Variants in TAL1 observed in about 807,000 individuals in gnomAD.
TAL1 encodes the protein T-cell acute lymphocytic leukemia protein 1.
Under a neutral mutation model 17.9 loss-of-function variants are expected in TAL1, and 8 were observed. That is an observed-to-expected ratio of 0.45 (90% CI 0.26 to 0.81). TAL1 has a LOEUF of 0.81. Ranked by LOEUF, TAL1 falls within the 30% of genes least tolerant of loss-of-function variation. The pLI is 0.17. For missense variants in TAL1, 466 were observed against 486.9 expected (o/e 0.96, Z 0.40); for synonymous variants, 223 against 218.6 (o/e 1.02, Z -0.18).
chr1:47,217,320 A>G (rs1645515157), exon 4 of TAL1: 2 of 391,754 alleles, frequency 5.1e-6, no homozygotes, highest in East Asian at 7.2e-5. Context: ...CCCAGAGTTC[A>G]AGGCTGCAGA....
chr1:47,218,579 T>G (rs1266017189), exon 4 of TAL1: 2 of 232,906 alleles, frequency 8.6e-6, no homozygotes, highest in African/African-American at 2.2e-5. Context: ...TGTTTGGGTC[T>G]TAGCCAGGGC....
intron 1 of TAL1, chr1:47,228,664 C>T (rs1557681791): frequency 5.9e-6 from 1 of 170,050 alleles, no homozygotes; most frequent in East Asian, 1.1e-4. Context: ...TCTTCTGGGC[C>T]CACACCAGCA....
chr1:47,220,196 G>C (rs544982550), intron 3 of TAL1, 22 bp from the exon 5 acceptor site: 17 of 1,504,854 alleles, frequency 1.1e-5, no homozygotes, highest in Non-Finnish European at 1.4e-5. Flanking sequence ...GAGGACAAGA[G>C]TTAGGAGAAT....
chr1:47,226,944 CT>C (rs1643921820), intron 1 of TAL1, among the ~76,000 whole-genome samples: 1 of 152,220 alleles, frequency 6.6e-6, no homozygotes, highest in South Asian at 2.1e-4. Context: ...TTTGAAAGTG[CT>C]GTGCAAACGT....
exon 4 of TAL1, chr1:47,219,409 C>T (rs1645564030): frequency 1.6e-6 from 1 of 608,702 alleles, no homozygotes; most frequent in Non-Finnish European, 3.1e-6. Context: ...TCCCAAACTC[C>T]AGGCCAAAAG....
At chr1:47,218,760 G>T (rs1208527436) in exon 4 of TAL1, 1 of 233,540 alleles carries the variant, frequency 4.3e-6, no homozygotes, top group Non-Finnish European at 8.5e-6. Context: ...TCAGCAAACA[G>T]ACATCTTACA....
At chr1:47,217,470 A>G in exon 4 of TAL1, 1 of 398,462 alleles carries the variant, frequency 2.5e-6, no homozygotes, top group Non-Finnish European at 4.4e-6. Context: ...GCGGTTTACA[A>G]TCTAAATTAC....
At chr1:47,231,265 A>G (rs562590072), upstream of TAL1, 1 of 191,792 alleles carries the variant, frequency 5.2e-6, no homozygotes. Context: ...TCCCGAATAC[A>G]TCATAATTTG....
exon 4 of TAL1, chr1:47,216,902 T>C (rs946113937): frequency 4.3e-6 from 1 of 231,910 alleles, no homozygotes; most frequent in African/African-American, 2.2e-5. Context: ...GATAAGGTCA[T>C]GGGGTACAGA....
At chr1:47,220,935 G>A (rs1216990302) in intron 3 of TAL1, among the ~76,000 whole-genome samples, 2 of 152,210 alleles carry the variant, frequency 1.3e-5, no homozygotes, top group Admixed American at 1.3e-4. Context: ...TCCAGTGGCT[G>A]GGAAGGCTTG....
exon 4 of TAL1, chr1:47,217,979 G>GA (rs1270826603): frequency 5.2e-6 from 2 of 386,638 alleles, no homozygotes; most frequent in Non-Finnish European, 9.1e-6. Flanking sequence ...CCAAGCTCGA[G>GA]AATTGGACCT....
chr1:47,225,771 C>T (rs772635415), exon 2 of TAL1: 2 of 1,554,692 alleles, frequency 1.3e-6, no homozygotes, highest in Non-Finnish European at 1.7e-6. Context: ...CGGCTCGTCT[C>T]CTTGGCGACG....
intron 3 of TAL1, among the ~76,000 whole-genome samples, chr1:47,220,473 G>T (rs1044677512): frequency 5.3e-5 from 8 of 152,196 alleles, no homozygotes; most frequent in African/African-American, 1.9e-4. Flanking sequence ...TTGAGGACAG[G>T]GACCGTATGT....
At chr1:47,217,654 G>A (rs1645523918) in exon 4 of TAL1, 2 of 398,648 alleles carry the variant, frequency 5.0e-6, no homozygotes, top group South Asian at 2.5e-4. Context: ...GATAGGCCAA[G>A]CCAGAGTCAC....
chr1:47,222,303 TCCAGGACTTAGCTGTGTGAC>T (rs1643830158), intron 3 of TAL1, among the ~76,000 whole-genome samples: 1 of 152,166 alleles, frequency 6.6e-6, no homozygotes. Context: ...ATGAGGGTGG[TCCAGGACTTAGCTGTGTGAC>T]CCAGGACTTA....
At chr1:47,231,849 C>G (rs1644019509), upstream of TAL1, 1 of 233,714 alleles carries the variant, frequency 4.3e-6, no homozygotes, top group South Asian at 1.8e-4. Flanking sequence ...TGAACGCACT[C>G]TCACAATCCC....
intron 2 of TAL1, among the ~76,000 whole-genome samples, chr1:47,225,117 C>G (rs545871620): frequency 1.3e-5 from 2 of 152,310 alleles, no homozygotes; most frequent in South Asian, 2.1e-4. Context: ...TCCTCTCCGT[C>G]CCCCACGACA....
chr1:47,220,959 A>G (rs1345170106), intron 3 of TAL1, among the ~76,000 whole-genome samples: 1 of 152,226 alleles, frequency 6.6e-6, no homozygotes, highest in Admixed American at 6.5e-5. Flanking sequence ...GAGGCTGTGA[A>G]GAAACAGCCA....
At chr1:47,220,580 A>G (rs1643768739) in intron 3 of TAL1, among the ~76,000 whole-genome samples, 1 of 152,134 alleles carries the variant, frequency 6.6e-6, no homozygotes, top group Non-Finnish European at 1.5e-5. Context: ...TAAATGAATG[A>G]CTCTGGGCAA....
Sources: allele counts gnomAD v4.1 joint callset (sites outside exome capture counted in the v4.1 genomes callset), GRCh38; gene constraint gnomAD v4.1.1; transcripts MANE v1.5; gene names NCBI Gene and HGNC (gene_info 2026-07-23, HGNC 2026-07-21).